ANKRD10: variants seen among roughly 807,000 people sequenced by gnomAD.
ANKRD10 encodes ankyrin repeat domain-containing protein 10.
ANKRD10 carries 14 observed loss-of-function variants against 27.0 expected under a neutral mutation model. The observed-to-expected ratio is 0.52, with a 90% CI of 0.34 to 0.81. ANKRD10 has a LOEUF of 0.81. ANKRD10 is among the 40% of genes least tolerant of loss of function. ANKRD10 has a pLI of 0.01. For missense variants in ANKRD10, 493 were observed against 544.0 expected, an observed-to-expected ratio of 0.91 and a Z score of 0.93; for synonymous variants, 250 against 224.5, an observed-to-expected ratio of 1.11 and a Z score of -1.01.
chr13:110,897,110 T>C (rs1459687700), intron 3 of ANKRD10, among the ~76,000 whole-genome samples: 1 of 151,984 alleles, frequency 6.6e-6, no homozygotes, highest in African/African-American at 2.4e-5. Context: ...AACACTAGAA[T>C]TTATCTTTCC....
intron 2 of ANKRD10, among the ~76,000 whole-genome samples, chr13:110,907,400 C>T (rs1272671173): frequency 1.3e-5 from 2 of 152,148 alleles, no homozygotes; most frequent in East Asian, 1.9e-4. Flanking sequence ...AAAAGGAGTG[C>T]AGCAACTGTG....
intron 4 of ANKRD10, among the ~76,000 whole-genome samples, chr13:110,886,342 AGAAT>A (rs2064929933): frequency 6.6e-6 from 1 of 152,256 alleles, no homozygotes; most frequent in Non-Finnish European, 1.5e-5. Context: ...AAGCAGGATA[AGAAT>A]GAAAGGCTTC....
At chr13:110,914,277 C>T (rs564176808) in intron 1 of ANKRD10, among the ~76,000 whole-genome samples, 5 of 152,290 alleles carry the variant, frequency 3.3e-5, no homozygotes, top group African/African-American at 1.2e-4. Flanking sequence ...CTGACCCCAG[C>T]TCGGCTCCCC....
intron 4 of ANKRD10, among the ~76,000 whole-genome samples, chr13:110,890,853 C>G (rs1237636299): frequency 6.6e-6 from 1 of 152,174 alleles, no homozygotes; most frequent in African/African-American, 2.4e-5. Flanking sequence ...TCAACCAAAA[C>G]AAATCCTCCT....
In ANKRD10 at chr13:110,901,274, A is replaced by G. The variant is rs376244848; in HGVS notation, c.455+4759T>C. 2.6e-5 allele frequency among the ~76,000 whole-genome samples: 4 copies of G among 152,370 alleles called. No individual in the cohort carries two copies. The South Asian group carries it at 6.2e-4, about 24-fold the overall frequency. On this transcript the variant is annotated intron_variant, in intron 3 of 5. Transcript: ENST00000267339. Reference sequence around the variant, plus strand: ...CTTTCTTAAATATATTCTTCAGTTAATAATAGGAAGAAACTATTTTTAAAG... The same window carrying G: ...CTTTCTTAAATATATTCTTCAGTTAGTAATAGGAAGAAACTATTTTTAAAG...
At chr13:110,890,695 C>T (rs1566458007) in intron 4 of ANKRD10, among the ~76,000 whole-genome samples, 1 of 152,180 alleles carries the variant, frequency 6.6e-6, no homozygotes, top group African/African-American at 2.4e-5. Flanking sequence ...GTTAGGTCTA[C>T]GTATTACCTG....
chr13:110,905,979 C>T, intron 3 of ANKRD10, 54 bp downstream of exon 3: 1 of 1,493,324 alleles, frequency 6.7e-7, no homozygotes, highest in Non-Finnish European at 9.1e-7. Context: ...TGCCTTTAAA[C>T]AAAACATCCT....
rs2065733008 is a variant in ANKRD10, at chr13:110,912,163, C to T, written c.211-1393G>A. ...CCACGTTCTCTGATCCTGGACTGCT[C>T]ATTTTCCCTCACTCCAATCACAATG... On this transcript the variant is annotated intron_variant, in intron 1 of 5. Transcript: ENST00000267339. Among the ~76,000 whole-genome samples, 7 of 152,330 alleles carry T rather than the reference C, an allele frequency of 4.6e-5. 1 individual carries two copies. In the South Asian group the frequency reaches 1.5e-3, roughly 32 times the overall value.
chr13:110,909,365 G>A (rs1431888757), intron 2 of ANKRD10, among the ~76,000 whole-genome samples: 1 of 152,164 alleles, frequency 6.6e-6, no homozygotes. Flanking sequence ...CAGGGGTAGG[G>A]AAGAAGGAAA....
intron 3 of ANKRD10, among the ~76,000 whole-genome samples, chr13:110,899,372 A>C (rs1373818246): frequency 6.6e-6 from 1 of 152,240 alleles, no homozygotes. Flanking sequence ...ACCTGGATAC[A>C]TGGGCTGTGC....
chr13:110,908,785 C>T (rs941387208), intron 2 of ANKRD10, among the ~76,000 whole-genome samples: 2 of 152,262 alleles, frequency 1.3e-5, no homozygotes, highest in Admixed American at 6.5e-5. Flanking sequence ...GCCTCAGATT[C>T]GGATGTAAAC....
intron 5 of ANKRD10, 93 bp from the exon 6 acceptor site, chr13:110,880,205 T>C (rs1354090096): frequency 1.8e-6 from 2 of 1,090,338 alleles, no homozygotes; most frequent in Admixed American, 2.9e-5. Flanking sequence ...TTTTAAAGAA[T>C]TTTAGTTTCT....
At chr13:110,892,676 T>C (rs377658253) in intron 4 of ANKRD10, 1 of 696,302 alleles carries the variant, frequency 1.4e-6, no homozygotes, top group Non-Finnish European at 1.8e-6. Context: ...AGAAGCAAAT[T>C]AAAAAAAAAA....
Position 110,914,944 on chromosome 13 carries a change from C to T in ANKRD10, c.-10G>A. ...CTCCCGCCGCCGACATGGTCCGTCACCGGAGAGCGCGGGGCTCGCTGGCCT... is the reference window on the plus strand; with the variant it reads ...CTCCCGCCGCCGACATGGTCCGTCATCGGAGAGCGCGGGGCTCGCTGGCCT... On this transcript the variant is annotated 5_prime_UTR_variant, in exon 1 of 6. It adds an upstream start codon to the 5' untranslated region. Transcript: ENST00000267339. The T allele has an allele frequency of 6.5e-7, 1 of 1,529,426 alleles. No homozygotes were observed. The highest frequency in any genetic ancestry group is 8.7e-7 in the Non-Finnish European group (1 of 1,143,468). 94.7% of individuals were successfully genotyped at this position (1,529,426 alleles called of 1,614,324 possible).
At chr13:110,893,495 A>C (rs2065139032) in intron 3 of ANKRD10, among the ~76,000 whole-genome samples, 1 of 152,262 alleles carries the variant, frequency 6.6e-6, no homozygotes, top group African/African-American at 2.4e-5. Flanking sequence ...CTTCTAAAAA[A>C]GGCATCTTCC....
chr13:110,890,256 A>T (rs1317548422), intron 4 of ANKRD10, among the ~76,000 whole-genome samples: 1 of 152,242 alleles, frequency 6.6e-6, no homozygotes, highest in Non-Finnish European at 1.5e-5. Flanking sequence ...GAACAATTTC[A>T]TGTAGAACAT....
At position 110,879,487 on chromosome 13, in the gene ANKRD10, C is replaced by T; in HGVS notation, c.*150G>A. The T allele has an allele frequency of 1.5e-6, 1 of 646,994 alleles. No homozygotes were observed. Among genetic ancestry groups the T allele is most frequent in the Non-Finnish European group, 2.7e-6 (1 of 375,070 alleles). The allele number at this position is 646,994 out of a possible 1,614,324, so 40.1% of individuals were successfully genotyped here. A position where few individuals can be genotyped will look rare whatever the true frequency, so the allele number is the denominator to read the frequency against. On this transcript the variant is annotated 3_prime_UTR_variant, in exon 6 of 6. Coordinates refer to ENST00000267339, the MANE Select transcript of ANKRD10 (RefSeq NM_017664.4). ...CTACTCATGCACAAACAAGCAGTTGCTGGGAACTTGTCGAAGTTTACTTTT... is the reference window on the plus strand; with the variant it reads ...CTACTCATGCACAAACAAGCAGTTGTTGGGAACTTGTCGAAGTTTACTTTT...
chr13:110,896,255 T>C (rs1331802785), intron 3 of ANKRD10, among the ~76,000 whole-genome samples: 2 of 152,250 alleles, frequency 1.3e-5, no homozygotes, highest in East Asian at 3.8e-4. Context: ...TGCAGCATTA[T>C]CGGAAACAGA....
At chr13:110,891,018 C>CT (rs55859589) in intron 4 of ANKRD10, among the ~76,000 whole-genome samples, 4 of 152,204 alleles carry the variant, frequency 2.6e-5, no homozygotes, top group Admixed American at 6.5e-5. Flanking sequence ...CTTAGAAACT[C>CT]TGAGACTAGT....
Sources: allele counts gnomAD v4.1 joint callset (sites outside exome capture counted in the v4.1 genomes callset), GRCh38; gene constraint gnomAD v4.1.1; transcripts MANE v1.5; gene names NCBI Gene and HGNC (gene_info 2026-07-23, HGNC 2026-07-21).